The following TBC1D4 variants were observed in gnomAD, a reference collection of about 807,000 sequenced individuals.
TBC1D4 encodes TBC1 domain family member 4.
TBC1D4 carries 121 observed loss-of-function variants against 142.5 expected under a neutral mutation model. The ratio of observed to expected loss-of-function variants is 0.85; its 90% confidence interval spans 0.73 to 0.99. The LOEUF (loss-of-function observed/expected upper bound fraction) is 0.99. Among genes scored for constraint, TBC1D4 ranks in the 50% least tolerant of loss-of-function variants. The pLI, the probability that TBC1D4 is intolerant of heterozygous loss-of-function variation, is 0.00. For missense variants in TBC1D4, 1,475 were observed against 1,606.6 expected (o/e 0.92, Z 1.40); for synonymous variants, 630 against 628.2 (o/e 1.00, Z -0.04).
chr13:75,379,865 T>C (rs375394124), intron 1 of TBC1D4, among the ~76,000 whole-genome samples: 136 of 148,866 alleles, frequency 9.1e-4, no homozygotes, highest in African/African-American at 3.1e-3. Context: ...TGTTGAAGTA[T>C]ATCAGTTTTG....
At chr13:75,309,889 C>T (rs1415310424) in intron 14 of TBC1D4, 53 bp downstream of exon 14, 14 of 1,588,954 alleles carry the variant, frequency 8.8e-6, no homozygotes, top group East Asian at 2.2e-5. Flanking sequence ...GTAGGTTTAA[C>T]ATACACCCTT....
intron 1 of TBC1D4, among the ~76,000 whole-genome samples, chr13:75,410,914 C>G (rs1448864581): frequency 9.4e-6 from 1 of 106,686 alleles, no homozygotes; most frequent in Non-Finnish European, 1.7e-5. Flanking sequence ...CCAGCCTGGG[C>G]GACAGAGCGA....
At chr13:75,347,804 G>A (rs1446560147) in intron 5 of TBC1D4, among the ~76,000 whole-genome samples, 1 of 152,090 alleles carries the variant, frequency 6.6e-6, no homozygotes, top group African/African-American at 2.4e-5. Flanking sequence ...TGTACATTCT[G>A]CAATATTACA....
intron 15 of TBC1D4, 46 bp from the exon 16 acceptor site, chr13:75,302,447 A>T (rs763312679): frequency 7.4e-6 from 12 of 1,610,968 alleles, no homozygotes; most frequent in Non-Finnish European, 1.0e-5. Flanking sequence ...CTCTGGAATG[A>T]AGTTGATAGA....
chr13:75,365,904 C>T (rs1279675535), intron 1 of TBC1D4, among the ~76,000 whole-genome samples: 1 of 152,144 alleles, frequency 6.6e-6, no homozygotes, highest in Non-Finnish European at 1.5e-5. Context: ...ATAAATTCTT[C>T]AGGACTGAGA....
intron 1 of TBC1D4, among the ~76,000 whole-genome samples, chr13:75,431,626 C>T (rs1197412972): frequency 6.6e-6 from 1 of 152,156 alleles, no homozygotes; most frequent in Non-Finnish European, 1.5e-5. Flanking sequence ...TAGGTAACAA[C>T]TGTAATGATG....
intron 1 of TBC1D4, among the ~76,000 whole-genome samples, chr13:75,394,964 T>C (rs75995160): frequency 0.037 from 5,625 of 152,320 alleles, 137 homozygotes; most frequent in Non-Finnish European, 0.058. Flanking sequence ...GATCACTGCA[T>C]AGAGAATGCA....
At chr13:75,465,193 G>A (rs925299532) in intron 1 of TBC1D4, among the ~76,000 whole-genome samples, 2 of 152,162 alleles carry the variant, frequency 1.3e-5, no homozygotes, top group African/African-American at 4.8e-5. Flanking sequence ...CCAGCAGTCG[G>A]ATTCCAGAGT....
intron 1 of TBC1D4, among the ~76,000 whole-genome samples, chr13:75,443,561 C>G (rs1887143310): frequency 6.6e-6 from 1 of 152,196 alleles, no homozygotes; most frequent in Non-Finnish European, 1.5e-5. Context: ...GCAGAACATA[C>G]AGCTGACACA....
At chr13:75,354,422 A>T (rs1365752605) in intron 4 of TBC1D4, among the ~76,000 whole-genome samples, 1 of 152,232 alleles carries the variant, frequency 6.6e-6, no homozygotes, top group Non-Finnish European at 1.5e-5. Context: ...CGGGTAGCAA[A>T]GAGGAAATGG....
chr13:75,430,629 G>C (rs918381535), intron 1 of TBC1D4, among the ~76,000 whole-genome samples: 1 of 152,178 alleles, frequency 6.6e-6, no homozygotes, highest in Non-Finnish European at 1.5e-5. Flanking sequence ...GCTCATCGGG[G>C]GACAGATGGA....
In TBC1D4 at chr13:75,286,937, AG is replaced by A; in HGVS notation, c.3751del (p.Leu1251TrpfsTer24). 6.2e-7 allele frequency: 1 copy of A among 1,613,906 alleles called. No individual in the cohort carries two copies. The highest frequency in any genetic ancestry group is 8.5e-7 in the Non-Finnish European group (1 of 1,179,958). ...TTGATAAGCCATTTTTTCTTGTTCC[AG>A]GGTCCGGATTAAAGACTTCATTTTG... ...ETKMKSLIRT[L>X]EQEKMAYQKT... On this transcript the variant is annotated frameshift_variant, in exon 21 of 21. Transcript: ENST00000377636. LOFTEE classifies it high-confidence loss of function.
rs200285653 is a variant in TBC1D4 at position 75,437,599 on chromosome 13, C to CT, written c.498+43670dup. ...CTTTAAGTGCTATTCTCATTATAAA[C>CT]TTTTTTTTTTTTTAGAGAATGGAGC... On this transcript the variant is annotated intron_variant, in intron 1 of 20. Transcript: ENST00000377636. Among the ~76,000 whole-genome samples, 872 of 147,628 alleles carry CT rather than the reference C, an allele frequency of 5.9e-3. 14 individuals are homozygous for CT. Among genetic ancestry groups the CT allele is most frequent in the Admixed American group, 0.022 (330 of 14,696 alleles).
chr13:75,325,376 G>A (rs376242177), intron 10 of TBC1D4, among the ~76,000 whole-genome samples: 3 of 150,288 alleles, frequency 2.0e-5, no homozygotes, highest in African/African-American at 7.3e-5. Context: ...TGTAACACAC[G>A]ATATAAAAAT....
rs190351528 is a variant in TBC1D4, at chr13:75,341,004, G to A, written c.1611+121C>T. ...TTAAAATGCTGGGCGGGGGAGTGAG[G>A]GGGTAGTTCAGGAAACTCTGATAGG... On this transcript the variant is annotated intron_variant, in intron 7 of 20. Transcript: ENST00000377636. The A allele has an allele frequency of 2.0e-4, 162 of 825,446 alleles. 4 individuals are homozygous for A. In the East Asian group the frequency reaches 2.2e-3, roughly 11 times the overall value. The allele number at this position is 825,446 out of a possible 1,614,324, so 51.1% of individuals were successfully genotyped here.
chr13:75,290,102 A>G (rs9565147), intron 19 of TBC1D4, among the ~76,000 whole-genome samples: 3,028 of 152,190 alleles, frequency 0.02, 119 homozygotes, highest in East Asian at 0.09. Context: ...AAAATCTAAT[A>G]CTTTATATTT....
At chr13:75,320,110 G>A (rs1314795274) in intron 11 of TBC1D4, 73 bp from the exon 12 acceptor site, 8 of 1,524,906 alleles carry the variant, frequency 5.2e-6, no homozygotes, top group South Asian at 1.1e-5. Context: ...AGGATAAAAG[G>A]CATTCCAATA....
At chr13:75,445,236 T>C (rs1220097794) in intron 1 of TBC1D4, among the ~76,000 whole-genome samples, 2 of 152,238 alleles carry the variant, frequency 1.3e-5, no homozygotes. Flanking sequence ...AATCTATGTG[T>C]ATATACTGTA....
Position 75,481,478 on chromosome 13 carries a change from G to A in TBC1D4, c.290C>T (p.Pro97Leu). 2 of 1,613,224 alleles carry A rather than the reference G, an allele frequency of 1.2e-6. No homozygotes were observed. Among genetic ancestry groups the A allele is most frequent in the Non-Finnish European group, 1.7e-6 (2 of 1,179,540 alleles). Residue 97 changes from proline to leucine, a missense_variant, in exon 1 of 21, where the codon CCG becomes CTG. By Grantham distance (98) the Pro-to-Leu change is moderately conservative. Coordinates refer to ENST00000377636, the MANE Select transcript of TBC1D4 (RefSeq NM_014832.5). ...SAPFLRCVPA[P>L]GAGASGGTSP... Reference sequence around the variant, plus strand: ...AGTGCCCCCCGAGGCCCCAGCGCCCGGCGCGGGGACGCAACGCAGGAAGGG... The same window carrying A: ...AGTGCCCCCCGAGGCCCCAGCGCCCAGCGCGGGGACGCAACGCAGGAAGGG...
Sources: gnomAD v4.1 joint callset for allele counts (sites outside exome capture counted in the v4.1 genomes callset) on GRCh38, gnomAD v4.1.1 for gene constraint, MANE v1.5 for transcripts, NCBI Gene and HGNC (gene_info 2026-07-23, HGNC 2026-07-21) for gene names.